HPSE2: variants seen among roughly 807,000 people sequenced by gnomAD.
The protein encoded by HPSE2 is inactive heparanase-2.
A neutral mutation model predicts 60.5 loss-of-function variants in HPSE2; 38 were observed. The ratio of observed to expected loss-of-function variants is 0.63; its 90% CI spans 0.48 to 0.82. The LOEUF is 0.82. Among genes scored for constraint, HPSE2 ranks in the 40% least tolerant of loss-of-function variants. The pLI, the probability that HPSE2 is intolerant of heterozygous loss-of-function variation, is 0.00. For synonymous variants in HPSE2, 295 were observed against 293.2 expected (o/e 1.01, Z -0.06); for missense variants, 713 against 740.4 (o/e 0.96, Z 0.43).
At chr10:98,583,664 G>A (rs900729897) in intron 9 of HPSE2, among the ~76,000 whole-genome samples, 1 of 152,116 alleles carries the variant, frequency 6.6e-6, no homozygotes, top group South Asian at 2.1e-4. Context: ...TGGTTTGTGT[G>A]CCCCAAATTA....
At chr10:99,155,963 T>G (rs1361380329) in intron 2 of HPSE2, among the ~76,000 whole-genome samples, 1 of 151,648 alleles carries the variant, frequency 6.6e-6, no homozygotes, top group Non-Finnish European at 1.5e-5. Flanking sequence ...CAGAGAATAC[T>G]ATAAACACCT....
chr10:98,800,430 TA>T (rs1237271712), intron 3 of HPSE2, among the ~76,000 whole-genome samples: 1 of 147,636 alleles, frequency 6.8e-6, no homozygotes, highest in Non-Finnish European at 1.5e-5. Context: ...ATAATATACA[TA>T]AAATATATTA....
rs1029827622 is a variant in HPSE2, at chr10:98,677,653, A to C, written c.1004+16247T>G. On this transcript the variant is annotated intron_variant, in intron 6 of 11. Transcript: ENST00000370552. ...TTTCTCAAGGCCACAAATCTACTAA[A>C]GGTCAGAGGGATTCTGACCAGGCCT... Among the ~76,000 whole-genome samples, 4 of 152,166 alleles carry C rather than the reference A, an allele frequency of 2.6e-5. No homozygotes were observed. The East Asian group carries it at 7.7e-4, about 29-fold the overall frequency.
At chr10:98,910,334 G>A (rs1590061061) in intron 3 of HPSE2, among the ~76,000 whole-genome samples, 1 of 152,110 alleles carries the variant, frequency 6.6e-6, no homozygotes, top group Non-Finnish European at 1.5e-5. Flanking sequence ...GAAGGTTTAT[G>A]AGTCACCAGT....
the HPSE2 span, among the ~76,000 whole-genome samples, chr10:99,298,000 A>G: frequency 6.6e-6 from 1 of 152,186 alleles, no homozygotes; most frequent in Non-Finnish European, 1.5e-5. Flanking sequence ...GTGCTGTCTT[A>G]TAACTGCTTT....
chr10:98,706,202 A>C (rs966610614), intron 5 of HPSE2, among the ~76,000 whole-genome samples: 1 of 152,174 alleles, frequency 6.6e-6, no homozygotes, highest in African/African-American at 2.4e-5. Context: ...CCAGTATCTT[A>C]TGCTGCCTCC....
intron 3 of HPSE2, among the ~76,000 whole-genome samples, chr10:99,122,781 T>G (rs1845008702): frequency 6.6e-6 from 1 of 152,100 alleles, no homozygotes; most frequent in Admixed American, 6.6e-5. Flanking sequence ...GTGATGAATT[T>G]TCTTGAACTG....
intron 2 of HPSE2, among the ~76,000 whole-genome samples, chr10:99,225,228 C>T (rs551096473): frequency 2.0e-5 from 3 of 152,062 alleles, no homozygotes; most frequent in Non-Finnish European, 4.4e-5. Context: ...TATTGGCAGA[C>T]AAATTGTGAA....
chr10:98,549,749 C>A (rs1351826027), intron 9 of HPSE2, among the ~76,000 whole-genome samples: 1 of 152,174 alleles, frequency 6.6e-6, no homozygotes, highest in African/African-American at 2.4e-5. Context: ...TATTGACCAA[C>A]AATTTCCTCC....
intron 3 of HPSE2, among the ~76,000 whole-genome samples, chr10:99,072,023 TTG>T (rs1416329550): frequency 5.9e-4 from 51 of 87,158 alleles, no homozygotes; most frequent in Admixed American, 1.1e-3. Flanking sequence ...CTAACTTTGT[TTG>T]TTTTTTTTTT....
chr10:98,727,218 T>C (rs893370613), intron 4 of HPSE2, among the ~76,000 whole-genome samples: 2 of 152,166 alleles, frequency 1.3e-5, no homozygotes, highest in African/African-American at 2.4e-5. Context: ...CTAAAATATG[T>C]AGTTTTCAAC....
chr10:98,526,032 G>A (rs1012868818), intron 9 of HPSE2, among the ~76,000 whole-genome samples: 3 of 152,198 alleles, frequency 2.0e-5, no homozygotes, highest in African/African-American at 7.2e-5. Flanking sequence ...TCGTTACTCT[G>A]TAGAACAGGG....
intron 9 of HPSE2, among the ~76,000 whole-genome samples, chr10:98,495,320 T>A (rs1564918736): frequency 1.3e-5 from 2 of 152,188 alleles, no homozygotes; most frequent in South Asian, 4.1e-4. Flanking sequence ...AAGATTTGAT[T>A]TGGCCTTTAA....
intron 3 of HPSE2, among the ~76,000 whole-genome samples, chr10:99,043,893 C>T (rs975845211): frequency 2.0e-5 from 3 of 152,172 alleles, no homozygotes; most frequent in Non-Finnish European, 4.4e-5. Flanking sequence ...CTATGATTCA[C>T]TGGCATTCCT....
chr10:98,693,149 C>A lies in HPSE2; in HGVS notation c.1004+751G>T, dbSNP rs1233111917. On this transcript the variant is annotated intron_variant, in intron 6 of 11. Transcript: ENST00000370552. ...AAAAGCACAGTCTGAGTTGAGAGCACCACATTAGACAAGAGATGATTTGGA... is the reference window on the plus strand; with the variant it reads ...AAAAGCACAGTCTGAGTTGAGAGCAACACATTAGACAAGAGATGATTTGGA... 3.3e-5 allele frequency among the ~76,000 whole-genome samples: 5 copies of A among 152,248 alleles called. No individual in the cohort carries two copies. In the East Asian group the frequency reaches 5.8e-4, roughly 18 times the overall value.
chr10:98,506,277 G>A (rs929032200), intron 9 of HPSE2, among the ~76,000 whole-genome samples: 1 of 152,064 alleles, frequency 6.6e-6, no homozygotes, highest in South Asian at 2.1e-4. Context: ...TTTAATGGAG[G>A]AGAAAATGTG....
At chr10:98,777,666 T>A (rs567833145) in intron 3 of HPSE2, among the ~76,000 whole-genome samples, 2 of 152,270 alleles carry the variant, frequency 1.3e-5, no homozygotes, top group South Asian at 4.1e-4. Flanking sequence ...AACAAAACAA[T>A]TTTTAAAAAC....
intron 9 of HPSE2, among the ~76,000 whole-genome samples, chr10:98,600,917 A>ATGTGTG (rs10682909): frequency 2.1e-4 from 10 of 48,022 alleles, no homozygotes; most frequent in South Asian, 1.2e-3. Context: ...GTGTGTATAT[A>ATGTGTG]TATATATATA....
intron 3 of HPSE2, among the ~76,000 whole-genome samples, chr10:98,859,304 G>C (rs1430203270): frequency 6.6e-6 from 1 of 152,068 alleles, no homozygotes; most frequent in Non-Finnish European, 1.5e-5. Flanking sequence ...TACATTAAAA[G>C]TTTCCTGGTT....
Sources: gnomAD v4.1 joint callset for allele counts (sites outside exome capture counted in the v4.1 genomes callset) on GRCh38, gnomAD v4.1.1 for gene constraint, MANE v1.5 for transcripts, NCBI Gene and HGNC (gene_info 2026-07-23, HGNC 2026-07-21) for gene names.